Variants in KCND2 observed in about 807,000 individuals in gnomAD.
The protein encoded by KCND2 is potassium voltage-gated channel subfamily D member 2, also known as A-type voltage-gated potassium channel KCND2.
A neutral mutation model predicts 54.4 loss-of-function variants in KCND2; 16 were observed. The observed-to-expected ratio is 0.29, with a 90% confidence interval of 0.20 to 0.45. The LOEUF is 0.45. KCND2 is among the 20% of genes least tolerant of loss of function. KCND2 has a pLI of 1.00. For missense variants in KCND2, 486 were observed against 824.2 expected, an observed-to-expected ratio of 0.59 and a Z score of 5.02; for synonymous variants, 317 against 310.7, an observed-to-expected ratio of 1.02 and a Z score of -0.21.
chr7:120,290,549 T>C (rs531106944), intron 1 of KCND2, among the ~76,000 whole-genome samples: 5 of 152,090 alleles, frequency 3.3e-5, no homozygotes, highest in Admixed American at 3.3e-4. Flanking sequence ...TTTCAAACAA[T>C]AATTTCCAGC....
At chr7:120,571,610 C>T (rs1527654) in intron 1 of KCND2, among the ~76,000 whole-genome samples, 8,707 of 152,218 alleles carry the variant, frequency 0.057, 728 homozygotes, top group African/African-American at 0.19. Context: ...AGCATCAAAG[C>T]AAGAAATTAC....
At chr7:120,514,607 T>C (rs1803169630) in intron 1 of KCND2, among the ~76,000 whole-genome samples, 1 of 152,138 alleles carries the variant, frequency 6.6e-6, no homozygotes, top group African/African-American at 2.4e-5. Flanking sequence ...GTTTGTTTTT[T>C]TACTGATTTT....
intron 1 of KCND2, among the ~76,000 whole-genome samples, chr7:120,295,550 G>A (rs1799500565): frequency 1.3e-5 from 2 of 151,974 alleles, no homozygotes; most frequent in Admixed American, 1.3e-4. Flanking sequence ...GATTCTGAAT[G>A]AAGCATTTGA....
chr7:120,287,254 A>G (rs971339972), intron 1 of KCND2, among the ~76,000 whole-genome samples: 8 of 152,152 alleles, frequency 5.3e-5, no homozygotes, highest in African/African-American at 1.9e-4. Flanking sequence ...AGAAATATAC[A>G]TAATTATCAA....
intron 1 of KCND2, among the ~76,000 whole-genome samples, chr7:120,595,460 A>ATATATATATATATATATATGTGTAT (rs1554373350): frequency 5.0e-4 from 56 of 112,940 alleles, no homozygotes; most frequent in Middle Eastern, 4.6e-3. Flanking sequence ...CCAAAAAAAA[A>ATATATATATATATATATATGTGTAT]ATATATATAT....
At chr7:120,539,159 A>G (rs2116377312) in intron 1 of KCND2, among the ~76,000 whole-genome samples, 1 of 152,300 alleles carries the variant, frequency 6.6e-6, no homozygotes, top group South Asian at 2.1e-4. Flanking sequence ...CAAAAAGTCA[A>G]CTAGATAGAA....
chr7:120,605,499 G>A (rs1792870931), intron 1 of KCND2, among the ~76,000 whole-genome samples: 1 of 152,068 alleles, frequency 6.6e-6, no homozygotes, highest in South Asian at 2.1e-4. Flanking sequence ...TCCATTGGGG[G>A]CTATTATGAT....
intron 1 of KCND2, among the ~76,000 whole-genome samples, chr7:120,455,482 G>A (rs924162741): frequency 2.0e-5 from 3 of 152,092 alleles, no homozygotes; most frequent in Non-Finnish European, 2.9e-5. Context: ...CCATTATTGG[G>A]TATATACCCA....
intron 1 of KCND2, among the ~76,000 whole-genome samples, chr7:120,292,389 C>CT (rs1799448248): frequency 6.6e-6 from 1 of 151,828 alleles, no homozygotes; most frequent in Non-Finnish European, 1.5e-5. Context: ...TCATTATATT[C>CT]TATCATATTT....
At chr7:120,429,585 A>G (rs1044114935) in intron 1 of KCND2, among the ~76,000 whole-genome samples, 12 of 152,126 alleles carry the variant, frequency 7.9e-5, no homozygotes, top group Non-Finnish European at 1.8e-4. Context: ...CTCGGTTGTG[A>G]GTTGAACTCG....
intron 1 of KCND2, among the ~76,000 whole-genome samples, chr7:120,650,015 A>G (rs1161113860): frequency 6.6e-6 from 1 of 152,006 alleles, no homozygotes; most frequent in South Asian, 2.1e-4. Flanking sequence ...CCCTTTGTGG[A>G]TAACCCGACC....
At chr7:120,587,762 T>C (rs1220454145) in intron 1 of KCND2, among the ~76,000 whole-genome samples, 3 of 152,204 alleles carry the variant, frequency 2.0e-5, no homozygotes, top group Non-Finnish European at 4.4e-5. Context: ...GATAAATGCA[T>C]GTGGTGCGTG....
chr7:120,588,669 G>T (rs1356641123), intron 1 of KCND2, among the ~76,000 whole-genome samples: 1 of 152,110 alleles, frequency 6.6e-6, no homozygotes, highest in African/African-American at 2.4e-5. Context: ...ACACAAGCTT[G>T]TGAAGAAAAC....
intron 1 of KCND2, among the ~76,000 whole-genome samples, chr7:120,359,534 T>C (rs1800562276): frequency 6.6e-6 from 1 of 152,146 alleles, no homozygotes; most frequent in Non-Finnish European, 1.5e-5. Context: ...TTTGTATAAA[T>C]GGTAATGTAA....
intron 1 of KCND2, among the ~76,000 whole-genome samples, chr7:120,486,982 A>T (rs1252049746): frequency 6.6e-6 from 1 of 152,194 alleles, no homozygotes; most frequent in Admixed American, 6.5e-5. Context: ...TGACTGACAT[A>T]AGCAAATTGG....
chr7:120,740,096 G>A (rs752220755), intron 2 of KCND2, among the ~76,000 whole-genome samples: 1 of 152,004 alleles, frequency 6.6e-6, no homozygotes, highest in South Asian at 2.1e-4. Context: ...GCAGAAGAGT[G>A]TGCAGAGTAT....
At chr7:120,552,160 T>C (rs1792111825) in intron 1 of KCND2, among the ~76,000 whole-genome samples, 1 of 152,210 alleles carries the variant, frequency 6.6e-6, no homozygotes, top group African/African-American at 2.4e-5. Flanking sequence ...ATGTGATTAA[T>C]AGTGAGACCC....
At chr7:120,330,732 G>GGGTA (rs1471057089) in intron 1 of KCND2, among the ~76,000 whole-genome samples, 1 of 152,062 alleles carries the variant, frequency 6.6e-6, no homozygotes, top group African/African-American at 2.4e-5. Context: ...GGCAATGGAT[G>GGGTA]GGTACCATTT....
intron 1 of KCND2, among the ~76,000 whole-genome samples, chr7:120,354,528 G>A (rs983681454): frequency 2.6e-5 from 4 of 152,202 alleles, no homozygotes; most frequent in African/African-American, 9.6e-5. Context: ...CTGCACTTTT[G>A]GCAACTGACA....
Sources: gnomAD v4.1 joint callset for allele counts (sites outside exome capture counted in the v4.1 genomes callset) on GRCh38, gnomAD v4.1.1 for gene constraint, MANE v1.5 for transcripts, NCBI Gene and HGNC (gene_info 2026-07-23, HGNC 2026-07-21) for gene names.